The following PDE8B variants were observed in gnomAD, a reference collection of about 807,000 sequenced individuals.
PDE8B encodes the protein high affinity cAMP-specific and IBMX-insensitive 3',5'-cyclic phosphodiesterase 8B.
In PDE8B, 26 loss-of-function variants were observed where a neutral mutation model predicts 101.3. The ratio of observed to expected loss-of-function variants is 0.26; its 90% CI spans 0.19 to 0.36. The LOEUF (loss-of-function observed/expected upper bound fraction) is 0.36, where lower values mean the gene tolerates loss of function less well. Among genes scored for constraint, PDE8B ranks in the 10% least tolerant of loss-of-function variants. The probability of loss-of-function intolerance (pLI) is 1.00; values close to 1 mark genes in which losing one functional copy is unlikely to be tolerated. For synonymous variants in PDE8B, 424 were observed against 429.3 expected (o/e 0.99, Z 0.15); for missense variants, 810 against 1,163.1 (o/e 0.70, Z 4.42).
Position 77,399,989 on chromosome 5 carries a change from T to C in PDE8B, c.1168-259T>C, listed in dbSNP as rs545387353. Among the ~76,000 whole-genome samples the C allele has an allele frequency of 6.6e-5, 10 of 152,332 alleles. No individual in the cohort carries two copies. The South Asian group carries it at 1.9e-3, about 28-fold the overall frequency. ...ATGAGACAGTAGCTGACTGGAGAAGTAGATGTCCTGTCTAGAGAGTATGTG... is the reference window on the plus strand; with the variant it reads ...ATGAGACAGTAGCTGACTGGAGAAGCAGATGTCCTGTCTAGAGAGTATGTG... On this transcript the variant is annotated intron_variant, in intron 10 of 21. Transcript: ENST00000264917.
chr5:77,414,620 C>T (rs969924761), intron 17 of PDE8B, among the ~76,000 whole-genome samples: 2 of 148,596 alleles, frequency 1.3e-5, no homozygotes, highest in African/African-American at 2.5e-5. Context: ...TTAGTAGAGA[C>T]AGGGTTTCAC....
the PDE8B span, among the ~76,000 whole-genome samples, chr5:77,091,286 A>G: frequency 1.3e-5 from 2 of 152,226 alleles, no homozygotes; most frequent in African/African-American, 4.8e-5. Flanking sequence ...AAAATATCCC[A>G]TGCACCCCAT....
At position 77,416,343 on chromosome 5, in the gene PDE8B, T is replaced by C. The variant is rs531691794; in HGVS notation, c.1912-1886T>C. 5.3e-5 allele frequency among the ~76,000 whole-genome samples: 8 copies of C among 152,358 alleles called. No individual in the cohort carries two copies. In the South Asian group the frequency reaches 1.7e-3, roughly 32 times the overall value. ...AGGATTGAACATACCACAGTGGCAC[T>C]AGCTGGAGGCCCAGAGTTTGGGCCC... On this transcript the variant is annotated intron_variant, in intron 17 of 21. Coordinates refer to ENST00000264917, the MANE Select transcript of PDE8B (RefSeq NM_003719.5).
chr5:77,262,962 CT>C (rs1412430539), intron 1 of PDE8B, among the ~76,000 whole-genome samples: 9 of 152,178 alleles, frequency 5.9e-5, no homozygotes, highest in African/African-American at 1.9e-4. Context: ...GGACTCCTTC[CT>C]TTTTTCTGAT....
At chr5:77,218,328 T>C (rs1322893627) in intron 1 of PDE8B, among the ~76,000 whole-genome samples, 2 of 152,246 alleles carry the variant, frequency 1.3e-5, no homozygotes, top group Non-Finnish European at 2.9e-5. Flanking sequence ...TTCCCTGTTC[T>C]GCTATGAGCT....
intron 10 of PDE8B, among the ~76,000 whole-genome samples, chr5:77,358,621 C>T (rs1782547692): frequency 6.6e-6 from 1 of 152,220 alleles, no homozygotes; most frequent in Non-Finnish European, 1.5e-5. Flanking sequence ...TGTCTTATCC[C>T]GAATTCTTAT....
At chr5:77,226,675 T>C (rs1353238202) in intron 1 of PDE8B, among the ~76,000 whole-genome samples, 3 of 152,220 alleles carry the variant, frequency 2.0e-5, no homozygotes, top group Non-Finnish European at 4.4e-5. Context: ...ACAAAGACTT[T>C]CCTTGGACTC....
chr5:77,331,488 C>T, intron 5 of PDE8B, 29 bp downstream of exon 5: 1 of 1,548,416 alleles, frequency 6.5e-7, no homozygotes, highest in South Asian at 1.1e-5. Context: ...GCATCTCTCT[C>T]AGTTGCAGGC....
chr5:77,189,640 C>T, the PDE8B span, among the ~76,000 whole-genome samples: 9 of 152,164 alleles, frequency 5.9e-5, no homozygotes, highest in East Asian at 1.7e-3. Flanking sequence ...GTCGGCATGC[C>T]CATGGTGCAG....
chr5:77,363,659 C>A (rs758989577), intron 10 of PDE8B, among the ~76,000 whole-genome samples: 8 of 151,098 alleles, frequency 5.3e-5, no homozygotes, highest in Non-Finnish European at 1.0e-4. Flanking sequence ...TTGCCGTGAG[C>A]CGAGATCCCA....
the PDE8B span, chr5:77,087,274 G>A: frequency 6.6e-6 from 1 of 152,456 alleles, no homozygotes; most frequent in Admixed American, 6.5e-5. Context: ...GGAAAGGGGG[G>A]CCGTCACGTG....
intron 2 of PDE8B, among the ~76,000 whole-genome samples, chr5:77,322,835 T>C (rs1775342983): frequency 6.7e-6 from 1 of 148,956 alleles, no homozygotes; most frequent in Non-Finnish European, 1.5e-5. Flanking sequence ...ACCACTACAA[T>C]GCAAAGAGTC....
intron 10 of PDE8B, among the ~76,000 whole-genome samples, chr5:77,383,098 T>C (rs1787833068): frequency 6.6e-6 from 1 of 152,232 alleles, no homozygotes; most frequent in Non-Finnish European, 1.5e-5. Context: ...CTCCAGCATC[T>C]GTTGTTTCCT....
At chr5:77,144,000 T>C in the PDE8B span, 1 of 151,988 alleles carries the variant, frequency 6.6e-6, no homozygotes, top group African/African-American at 2.4e-5. Flanking sequence ...GTTTCCTGGC[T>C]ACATGGAGGG....
At chr5:77,096,879 C>T in the PDE8B span, among the ~76,000 whole-genome samples, 1 of 152,148 alleles carries the variant, frequency 6.6e-6, no homozygotes, top group African/African-American at 2.4e-5. Context: ...ATTACATCTG[C>T]AAACACCTTA....
chr5:77,339,609 C>T (rs1166319297), intron 6 of PDE8B, among the ~76,000 whole-genome samples: 84 of 152,128 alleles, frequency 5.5e-4, no homozygotes, highest in African/African-American at 2.4e-5. Context: ...AGGCAAGCAA[C>T]TCTATCATTT....
upstream of PDE8B, among the ~76,000 whole-genome samples, chr5:77,209,103 T>G (rs1037633698): frequency 1.3e-5 from 2 of 152,176 alleles, no homozygotes; most frequent in Non-Finnish European, 2.9e-5. Context: ...TGCAGAAATT[T>G]TATGAGCAAT....
At chr5:77,231,764 A>G (rs1488623207) in intron 1 of PDE8B, among the ~76,000 whole-genome samples, 1 of 152,228 alleles carries the variant, frequency 6.6e-6, no homozygotes, top group Admixed American at 6.5e-5. Flanking sequence ...TAGCAACTGT[A>G]TTTAGCCCTT....
intron 10 of PDE8B, among the ~76,000 whole-genome samples, chr5:77,382,596 G>T (rs7702923): frequency 0.21 from 29,374 of 141,586 alleles, 3,392 homozygotes; most frequent in East Asian, 0.42. Context: ...CCCACCCTCC[G>T]ACAGGCCCCA....
Sources: gnomAD v4.1 joint callset for allele counts (sites outside exome capture counted in the v4.1 genomes callset) on GRCh38, gnomAD v4.1.1 for gene constraint, MANE v1.5 for transcripts, NCBI Gene and HGNC (gene_info 2026-07-23, HGNC 2026-07-21) for gene names.